Variants in PTPRK observed in about 807,000 individuals in gnomAD.
PTPRK encodes the protein receptor-type tyrosine-protein phosphatase kappa.
A neutral mutation model predicts 178.0 loss-of-function variants in PTPRK; 75 were observed. The observed-to-expected ratio is 0.42, with a 90% CI of 0.35 to 0.51. The LOEUF (loss-of-function observed/expected upper bound fraction) is 0.51, where lower values mean the gene tolerates loss of function less well. Ranked by LOEUF, PTPRK falls within the 20% of genes least tolerant of loss-of-function variation. The pLI is 0.02. For missense variants in PTPRK, 1,441 were observed against 1,797.8 expected (o/e 0.80, Z 3.59); for synonymous variants, 637 against 620.6 (o/e 1.03, Z -0.39).
chr6:128,233,266 G>A (rs770931757), intron 5 of PTPRK, among the ~76,000 whole-genome samples: 16 of 152,184 alleles, frequency 1.1e-4, no homozygotes, highest in Middle Eastern at 3.2e-3. Flanking sequence ...GTAGTGCTAT[G>A]TTTTCATCAG....
chr6:128,287,291 G>A (rs1447687121), intron 3 of PTPRK, among the ~76,000 whole-genome samples: 1 of 152,156 alleles, frequency 6.6e-6, no homozygotes, highest in Admixed American at 6.6e-5. Context: ...TAGCAGTACT[G>A]TCTTCCCTGA....
At chr6:128,403,744 G>T (rs1040636415) in intron 1 of PTPRK, among the ~76,000 whole-genome samples, 1 of 152,016 alleles carries the variant, frequency 6.6e-6, no homozygotes, top group East Asian at 1.9e-4. Context: ...TAGTTTATAT[G>T]AAGGCAATAT....
intron 1 of PTPRK, among the ~76,000 whole-genome samples, chr6:128,419,694 C>T (rs1303396948): frequency 1.3e-5 from 2 of 152,092 alleles, no homozygotes; most frequent in Non-Finnish European, 2.9e-5. Context: ...CTGTTTAAAA[C>T]TTAAATTTCC....
chr6:128,496,908 T>C (rs943729285), intron 1 of PTPRK, among the ~76,000 whole-genome samples: 13 of 152,184 alleles, frequency 8.5e-5, no homozygotes, highest in African/African-American at 3.1e-4. Context: ...CAAAATATAA[T>C]TGTGCTTGGC....
chr6:128,023,503 G>A (rs1773832389), intron 13 of PTPRK, among the ~76,000 whole-genome samples: 1 of 151,966 alleles, frequency 6.6e-6, no homozygotes, highest in Non-Finnish European at 1.5e-5. Flanking sequence ...GTTCACCACT[G>A]AATTTGCCCC....
chr6:128,494,531 C>T, intron 1 of PTPRK, among the ~76,000 whole-genome samples: 1 of 151,946 alleles, frequency 6.6e-6, no homozygotes. Flanking sequence ...AGCGGGAGCA[C>T]TGCAGTTAAA....
intron 1 of PTPRK, among the ~76,000 whole-genome samples, chr6:128,477,509 A>G (rs1040181773): frequency 5.9e-5 from 9 of 152,110 alleles, no homozygotes; most frequent in Admixed American, 1.3e-4. Context: ...AGAGATCTTG[A>G]AAAAAGGTAA....
At chr6:128,255,520 T>A (rs911545041) in intron 3 of PTPRK, among the ~76,000 whole-genome samples, 2 of 152,220 alleles carry the variant, frequency 1.3e-5, no homozygotes, top group African/African-American at 4.8e-5. Context: ...GCCACTCAAA[T>A]GATTTTAGAT....
intron 1 of PTPRK, among the ~76,000 whole-genome samples, chr6:128,419,471 C>T (rs966934783): frequency 6.6e-6 from 1 of 151,850 alleles, no homozygotes; most frequent in African/African-American, 2.4e-5. Context: ...AAAAATTAGC[C>T]GGGCATGGTG....
At chr6:128,054,511 T>A (rs1454739187) in intron 13 of PTPRK, among the ~76,000 whole-genome samples, 2 of 152,182 alleles carry the variant, frequency 1.3e-5, no homozygotes, top group Non-Finnish European at 2.9e-5. Flanking sequence ...TAAGAAAACA[T>A]CAGCACAGAG....
intron 1 of PTPRK, among the ~76,000 whole-genome samples, chr6:128,408,169 C>G (rs1046837627): frequency 2.6e-5 from 4 of 152,190 alleles, no homozygotes; most frequent in Non-Finnish European, 4.4e-5. Flanking sequence ...AGACGGATCA[C>G]CTGAGGTCAG....
At chr6:127,981,841 T>C (rs1372222715) in intron 24 of PTPRK, among the ~76,000 whole-genome samples, 3 of 152,200 alleles carry the variant, frequency 2.0e-5, no homozygotes, top group Non-Finnish European at 4.4e-5. Context: ...ACTATTATTA[T>C]TTTTGAGACA....
At chr6:128,022,260 G>T (rs1582553065) in intron 13 of PTPRK, among the ~76,000 whole-genome samples, 1 of 152,172 alleles carries the variant, frequency 6.6e-6, no homozygotes, top group Admixed American at 6.5e-5. Flanking sequence ...CTTCTTTATG[G>T]CTGCTTCAGA....
intron 29 of PTPRK, among the ~76,000 whole-genome samples, chr6:127,971,554 TCTC>T (rs1773903381): frequency 6.6e-6 from 1 of 151,968 alleles, no homozygotes; most frequent in African/African-American, 2.4e-5. Flanking sequence ...TCACTCTAAA[TCTC>T]CTCACCAAAC....
At chr6:128,379,524 G>T (rs987975469) in intron 2 of PTPRK, among the ~76,000 whole-genome samples, 1 of 152,154 alleles carries the variant, frequency 6.6e-6, no homozygotes, top group Non-Finnish European at 1.5e-5. Context: ...GGAAAGTCTT[G>T]ATTTTACCTT....
At chr6:128,154,887 A>C (rs1562688939) in intron 7 of PTPRK, among the ~76,000 whole-genome samples, 1 of 151,790 alleles carries the variant, frequency 6.6e-6, no homozygotes, top group Non-Finnish European at 1.5e-5. Context: ...ACCCACATGT[A>C]CCTAGATTCA....
Position 128,454,727 on chromosome 6 carries a change from C to A in PTPRK, c.101-57039G>T, listed in dbSNP as rs375302513. Among the ~76,000 whole-genome samples the A allele has an allele frequency of 1.2e-3, 176 of 149,796 alleles. 5 individuals carry two copies. In the South Asian group the frequency reaches 0.035, roughly 30 times the overall value. On this transcript the variant is annotated intron_variant, in intron 1 of 29. Coordinates refer to ENST00000368226, the MANE Select transcript of PTPRK (RefSeq NM_002844.4). ...CTCAGCACTGTTCTTTTGTGTAGAT[C>A]CATACTTCCACCTGGTATCATTTAC...
chr6:127,995,547 T>C lies in PTPRK; in HGVS notation c.2768-9A>G. On this transcript the variant is annotated splice_polypyrimidine_tract_variant and intron_variant, in intron 17 of 29. Coordinates refer to ENST00000368226, the MANE Select transcript of PTPRK (RefSeq NM_002844.4). The stretch of plus-strand genomic sequence containing the variant: ...CACTCTGGAGTGATCATCTAAAATT[T>C]TAAAATAATAAATATAAGCTGTTAA... 1 of 1,533,954 alleles carries C rather than the reference T, an allele frequency of 6.5e-7. No individual in the cohort carries two copies. The highest frequency in any genetic ancestry group is 8.9e-7 in the Non-Finnish European group (1 of 1,128,590).
chr6:128,232,972 C>T (rs1163547837), intron 5 of PTPRK, among the ~76,000 whole-genome samples: 1 of 152,162 alleles, frequency 6.6e-6, no homozygotes, highest in Non-Finnish European at 1.5e-5. Context: ...ACTTTAAAAA[C>T]CTCCTCTCAA....
Sources: allele counts gnomAD v4.1 joint callset (sites outside exome capture counted in the v4.1 genomes callset), GRCh38; gene constraint gnomAD v4.1.1; transcripts MANE v1.5; gene names NCBI Gene and HGNC (gene_info 2026-07-23, HGNC 2026-07-21).